INO80: variants seen among roughly 807,000 people sequenced by gnomAD.
INO80 encodes chromatin-remodeling ATPase INO80.
Under a neutral mutation model 203.4 loss-of-function variants are expected in INO80, and 20 were observed. The observed-to-expected ratio is 0.10, with a 90% CI of 0.07 to 0.14. The LOEUF is 0.14. Ranked by LOEUF, INO80 falls within the 10% of genes least tolerant of loss-of-function variation. INO80 has a pLI of 1.00. For missense variants in INO80, 1,419 were observed against 1,914.4 expected (o/e 0.74, Z 4.83); for synonymous variants, 726 against 685.2 (o/e 1.06, Z -0.93).
At chr15:41,090,116 G>A (rs2045613393) in intron 5 of INO80, among the ~76,000 whole-genome samples, 1 of 152,134 alleles carries the variant, frequency 6.6e-6, no homozygotes, top group Admixed American at 6.6e-5. Context: ...ATAAGATAAG[G>A]TATAAATACA....
chr15:41,019,192 A>G (rs534710362), intron 26 of INO80, among the ~76,000 whole-genome samples: 2 of 152,360 alleles, frequency 1.3e-5, no homozygotes, highest in South Asian at 4.1e-4. Flanking sequence ...TGTGAAACCC[A>G]GAAGATTTTG....
At chr15:41,053,267 G>C (rs979577602) in intron 19 of INO80, among the ~76,000 whole-genome samples, 5 of 152,124 alleles carry the variant, frequency 3.3e-5, no homozygotes, top group African/African-American at 1.2e-4. Flanking sequence ...TGCCATGCCT[G>C]GCTAATTTTT....
At chr15:41,106,036 C>A (rs1454799693) in intron 1 of INO80, among the ~76,000 whole-genome samples, 1 of 151,932 alleles carries the variant, frequency 6.6e-6, no homozygotes, top group African/African-American at 2.4e-5. Flanking sequence ...GGCAGGAGGA[C>A]TGCTTGAGCC....
chr15:40,985,227 G>A (rs1265703638), intron 32 of INO80, 111 bp downstream of exon 32: 2 of 756,468 alleles, frequency 2.6e-6, no homozygotes, highest in African/African-American at 1.7e-5. Context: ...ATACACAGCT[G>A]GAGCTTGATA....
chr15:41,115,514 A>T (rs2046020139), intron 1 of INO80, among the ~76,000 whole-genome samples: 1 of 152,156 alleles, frequency 6.6e-6, no homozygotes, highest in African/African-American at 2.4e-5. Context: ...CCCCTTACAA[A>T]ATGACACACT....
Position 41,033,919 on chromosome 15 carries a change from G to A in INO80, c.2908-6183C>T, listed in dbSNP as rs183800245. Among the ~76,000 whole-genome samples, 181 of 151,878 alleles carry A rather than the reference G, an allele frequency of 1.2e-3. 4 individuals carry two copies. In the South Asian group the frequency reaches 0.015, roughly 13 times the overall value. ...AAAAAAAAATACAAAAAAATTAGCCGGGCGTGGTGGCAGGCGCCTGTAGTC... is the reference window on the plus strand; with the variant it reads ...AAAAAAAAATACAAAAAAATTAGCCAGGCGTGGTGGCAGGCGCCTGTAGTC... On this transcript the variant is annotated intron_variant, in intron 24 of 35. Transcript: ENST00000648947.
chr15:41,063,630 C>T (rs930127593), intron 14 of INO80, among the ~76,000 whole-genome samples: 23 of 151,722 alleles, frequency 1.5e-4, no homozygotes, highest in Admixed American at 1.2e-3. Context: ...AAAAATTAGC[C>T]GGGCGTGGTG....
At chr15:41,047,588 T>G (rs1298467558) in intron 22 of INO80, 87 bp from the exon 23 acceptor site, 9 of 919,534 alleles carry the variant, frequency 9.8e-6, no homozygotes, top group Non-Finnish European at 1.7e-6. Context: ...AGTTTTGACT[T>G]AAGAACAAAA....
intron 31 of INO80, among the ~76,000 whole-genome samples, chr15:40,986,247 C>T (rs1477629400): frequency 6.6e-6 from 1 of 151,214 alleles, no homozygotes; most frequent in Non-Finnish European, 1.5e-5. Flanking sequence ...CTTCCTTGTG[C>T]AAGCTACATT....
chr15:40,986,299 C>A (rs2043731592), intron 31 of INO80, among the ~76,000 whole-genome samples: 2 of 150,456 alleles, frequency 1.3e-5, no homozygotes, highest in Admixed American at 6.6e-5. Flanking sequence ...ACAAATTTTG[C>A]CTTCTACTCC....
At chr15:41,106,822 A>T (rs199962966) in intron 1 of INO80, among the ~76,000 whole-genome samples, 1 of 152,196 alleles carries the variant, frequency 6.6e-6, no homozygotes, top group South Asian at 2.1e-4. Context: ...CCATTACCAC[A>T]AAGATTATTC....
At chr15:41,002,233 C>A (rs2043968481) in intron 28 of INO80, among the ~76,000 whole-genome samples, 1 of 152,162 alleles carries the variant, frequency 6.6e-6, no homozygotes, top group Admixed American at 6.5e-5. Context: ...TCTGAAGGCT[C>A]AAGCAAGATT....
intron 27 of INO80, 33 bp from the exon 28 acceptor site, chr15:41,005,720 T>A: frequency 8.6e-7 from 1 of 1,162,668 alleles, no homozygotes; most frequent in Non-Finnish European, 1.3e-6. Flanking sequence ...ACAGTAAATC[T>A]GATGCAAATT....
intron 11 of INO80, among the ~76,000 whole-genome samples, chr15:41,072,872 C>A (rs1347744572): frequency 7.3e-5 from 11 of 151,460 alleles, no homozygotes; most frequent in Non-Finnish European, 1.5e-4. Context: ...GCTCCGCCTA[C>A]CGGGTTCACG....
chr15:41,041,832 TC>T (rs1053293953), intron 24 of INO80, among the ~76,000 whole-genome samples: 1 of 133,878 alleles, frequency 7.5e-6, no homozygotes, highest in African/African-American at 2.6e-5. Flanking sequence ...AGGAAAGATT[TC>T]CTTTTTTTTT....
At chr15:41,102,678 A>G (rs2045827112) in intron 1 of INO80, among the ~76,000 whole-genome samples, 1 of 152,064 alleles carries the variant, frequency 6.6e-6, no homozygotes, top group Non-Finnish European at 1.5e-5. Context: ...CAAAGGAAAA[A>G]AAAAGGGTGT....
At chr15:41,106,288 G>C (rs1014941305) in intron 1 of INO80, among the ~76,000 whole-genome samples, 1 of 151,320 alleles carries the variant, frequency 6.6e-6, no homozygotes, top group African/African-American at 2.4e-5. Flanking sequence ...GGAGGCTGGG[G>C]TGTGAGGATG....
In INO80 at chr15:41,092,108, G is replaced by A. The variant is rs778901340; in HGVS notation, c.456C>T (p.Leu152=). 8.1e-6 allele frequency: 13 copies of A among 1,612,542 alleles called. 1 individual carries two copies. In the South Asian group the frequency reaches 1.2e-4, roughly 15 times the overall value. The part of the protein sequence containing the change: ...SEDDDEEELN[L]SREELHNMLR... ...GCATGTTGTGAAGTTCTTCTCTGCT[G>A]AGATTGAGTTCTTCTTCATCATCGT... is the stretch of plus-strand genomic sequence containing the variant. The change falls in exon 5 of 36, where the codon CTC becomes CTT. Residue 152 remains leucine, a synonymous_variant. Transcript: ENST00000648947.
At chr15:41,114,582 G>A (rs1423489692) in intron 1 of INO80, among the ~76,000 whole-genome samples, 1 of 151,874 alleles carries the variant, frequency 6.6e-6, no homozygotes, top group Non-Finnish European at 1.5e-5. Context: ...GGTGGCAGCC[G>A]CCTGTAATCC....
Sources: allele counts gnomAD v4.1 joint callset (sites outside exome capture counted in the v4.1 genomes callset), GRCh38; gene constraint gnomAD v4.1.1; transcripts MANE v1.5; gene names NCBI Gene and HGNC (gene_info 2026-07-23, HGNC 2026-07-21).